DTNB: variants seen among roughly 807,000 people sequenced by gnomAD.
DTNB encodes the protein DTN-B.
Under a neutral mutation model 90.7 loss-of-function variants are expected in DTNB, and 63 were observed. The observed-to-expected ratio is 0.69, with a 90% CI of 0.57 to 0.86. The LOEUF (loss-of-function observed/expected upper bound fraction) is 0.86. Ranked by LOEUF, DTNB falls within the 40% of genes least tolerant of loss-of-function variation. The pLI is 0.00. For synonymous variants in DTNB, 277 were observed against 286.7 expected, an observed-to-expected ratio of 0.97 and a Z score of 0.34; for missense variants, 744 against 807.1, an observed-to-expected ratio of 0.92 and a Z score of 0.95.
intron 9 of DTNB, among the ~76,000 whole-genome samples, chr2:25,514,833 C>G (rs2074741674): frequency 6.6e-6 from 1 of 151,674 alleles, no homozygotes; most frequent in African/African-American, 2.4e-5. Context: ...GCAGGCCCCA[C>G]CTCCACGCCT....
chr2:25,670,809 C>A (rs1311636121), intron 1 of DTNB, among the ~76,000 whole-genome samples: 1 of 152,218 alleles, frequency 6.6e-6, no homozygotes, highest in East Asian at 1.9e-4. Flanking sequence ...ACAAAGTATA[C>A]AGCAGTCTCC....
At chr2:25,385,436 G>A (rs1246408920) in intron 18 of DTNB, among the ~76,000 whole-genome samples, 1 of 152,200 alleles carries the variant, frequency 6.6e-6, no homozygotes, top group Non-Finnish European at 1.5e-5. Context: ...ATGTCTGCAT[G>A]TTAGAGGGAT....
chr2:25,669,049 T>C (rs989016983), intron 1 of DTNB, among the ~76,000 whole-genome samples: 3 of 152,186 alleles, frequency 2.0e-5, no homozygotes, highest in African/African-American at 7.2e-5. Flanking sequence ...ATGATTCCAT[T>C]CATATGAGGT....
intron 8 of DTNB, among the ~76,000 whole-genome samples, chr2:25,544,552 G>C (rs2082031765): frequency 1.3e-5 from 2 of 152,160 alleles, no homozygotes; most frequent in South Asian, 4.1e-4. Context: ...CACACCATCT[G>C]AGGGGATCTA....
chr2:25,489,601 C>G (rs971553129), intron 9 of DTNB, among the ~76,000 whole-genome samples: 1 of 151,792 alleles, frequency 6.6e-6, no homozygotes, highest in Non-Finnish European at 1.5e-5. Flanking sequence ...GAGGATCATT[C>G]GAGCCCAGTA....
chr2:25,404,019 T>C (rs1039845895), intron 16 of DTNB, among the ~76,000 whole-genome samples: 10 of 152,186 alleles, frequency 6.6e-5, no homozygotes, highest in African/African-American at 2.4e-4. Flanking sequence ...CTAAGGTTCT[T>C]CATATGTACA....
chr2:25,570,662 C>T (rs1458064007), intron 8 of DTNB, among the ~76,000 whole-genome samples: 2 of 152,260 alleles, frequency 1.3e-5, no homozygotes, highest in South Asian at 2.1e-4. Flanking sequence ...CTCCTCAAAA[C>T]ACATTCTTCA....
At chr2:25,587,081 G>A (rs997034868) in intron 6 of DTNB, among the ~76,000 whole-genome samples, 2 of 152,200 alleles carry the variant, frequency 1.3e-5, no homozygotes, top group South Asian at 2.1e-4. Flanking sequence ...GGTAGGAACA[G>A]GAGAGGGATG....
chr2:25,630,566 C>T (rs996710152), intron 3 of DTNB, among the ~76,000 whole-genome samples: 3 of 152,132 alleles, frequency 2.0e-5, no homozygotes, highest in African/African-American at 4.8e-5. Flanking sequence ...TGGCCAGGCA[C>T]GGTGACGGTG....
At chr2:25,378,394 G>A (rs745450210) in intron 20 of DTNB, among the ~76,000 whole-genome samples, 1 of 152,174 alleles carries the variant, frequency 6.6e-6, no homozygotes, top group Non-Finnish European at 1.5e-5. Context: ...GAGGCTGCAG[G>A]GGCCCCGGGG....
chr2:25,395,823 C>CT (rs1461480760), intron 16 of DTNB, among the ~76,000 whole-genome samples: 1 of 152,042 alleles, frequency 6.6e-6, no homozygotes, highest in East Asian at 1.9e-4. Flanking sequence ...TCAACATTTT[C>CT]TTTGAGTAAA....
intron 4 of DTNB, among the ~76,000 whole-genome samples, chr2:25,626,707 G>A (rs1019242835): frequency 3.9e-5 from 6 of 152,190 alleles, no homozygotes; most frequent in African/African-American, 7.2e-5. Flanking sequence ...ATTATGACTT[G>A]GCTTTGACAT....
At chr2:25,512,301 C>T (rs376891683) in intron 9 of DTNB, among the ~76,000 whole-genome samples, 2 of 152,316 alleles carry the variant, frequency 1.3e-5, no homozygotes, top group South Asian at 4.1e-4. Context: ...AATCAACAAG[C>T]AAGGTCCTAT....
In DTNB at chr2:25,427,621, C is replaced by T. The variant is rs747939462; in HGVS notation, c.1468G>A (p.Asp490Asn). ...GCCGACATCCTCTGCTCCAGTTCAT[C>T]CTTCCTTTGCCTATCCAAGACGAGA... ...AELRLLRQRKDELEQRMSALQ... is the reference protein window; with the variant it reads ...AELRLLRQRKNELEQRMSALQ... The change falls in exon 15 of 21, where the codon GAT (aspartate) becomes AAT (asparagine). Residue 490 changes from aspartate (D) to asparagine (N), a missense_variant. By Grantham distance (23) the Asp-to-Asn change is conservative (BLOSUM62 1). Coordinates refer to ENST00000406818, the MANE Select transcript of DTNB (RefSeq NM_021907.5). 1.2e-6 allele frequency: 2 copies of T among 1,613,162 alleles called. No homozygotes were observed. The highest frequency in any genetic ancestry group is 1.3e-5 in the African/African-American group (1 of 75,038).
At position 25,616,954 on chromosome 2, in the gene DTNB, G is replaced by GAAAAAAA. The variant is rs900643862; in HGVS notation, c.363-9640_363-9634dup. ...CTCAAAAAAAAAAAAAAAAAAAAAG[G>GAAAAAAA]AAAAAAAAGACTCATTAACCCCTCA... is the stretch of plus-strand genomic sequence containing the variant. On this transcript the variant is annotated intron_variant, in intron 4 of 20. Transcript: ENST00000406818. 5.1e-4 allele frequency among the ~76,000 whole-genome samples: 50 copies of GAAAAAAA among 97,438 alleles called. 9 individuals are homozygous for GAAAAAAA. Among genetic ancestry groups the GAAAAAAA allele is most frequent in the Non-Finnish European group, 6.0e-4 (31 of 51,640 alleles). The allele number at this position is 97,438 out of a possible 152,430, so 63.9% of individuals were successfully genotyped here.
intron 5 of DTNB, among the ~76,000 whole-genome samples, chr2:25,597,477 C>T (rs942637718): frequency 2.6e-5 from 4 of 151,990 alleles, no homozygotes; most frequent in African/African-American, 9.7e-5. Context: ...GGAATTTATA[C>T]TGAAGCATCA....
chr2:25,378,921 G>A (rs1279530911), intron 20 of DTNB, among the ~76,000 whole-genome samples: 1 of 152,216 alleles, frequency 6.6e-6, no homozygotes, highest in East Asian at 1.9e-4. Context: ...TCCCAGGAAG[G>A]AAGTGGGCAG....
chr2:25,382,003 A>G (rs540886420), intron 19 of DTNB, among the ~76,000 whole-genome samples: 134 of 152,256 alleles, frequency 8.8e-4, no homozygotes, highest in Non-Finnish European at 1.5e-3. Context: ...CCCTTCCTTA[A>G]GTAAGACCAC....
intron 6 of DTNB, chr2:25,595,014 C>T (rs571284777): frequency 6.6e-6 from 1 of 152,294 alleles, no homozygotes; most frequent in South Asian, 2.1e-4. Context: ...TAACCTAGAA[C>T]ATTTCATCTT....
Sources: gnomAD v4.1 joint callset for allele counts (sites outside exome capture counted in the v4.1 genomes callset) on GRCh38, gnomAD v4.1.1 for gene constraint, MANE v1.5 for transcripts, NCBI Gene and HGNC (gene_info 2026-07-23, HGNC 2026-07-21) for gene names.